IFT56: variants seen among roughly 807,000 people sequenced by gnomAD.
IFT56 encodes the protein intraflagellar transport 56, also known as intraflagellar transport protein 56.
At chr7:139,148,353 C>T in the IFT56 span, 1 of 1,612,072 alleles carries the variant, frequency 6.2e-7, no homozygotes, top group East Asian at 2.2e-5. Context: ...ACCATTTTCG[C>T]CTTTACAATG....
the IFT56 span, among the ~76,000 whole-genome samples, chr7:139,160,731 C>T: frequency 5.3e-5 from 8 of 152,106 alleles, no homozygotes; most frequent in East Asian, 1.9e-4. Context: ...CCACTGCGCC[C>T]GGCCCAAGTC....
chr7:139,140,093 T>A, the IFT56 span: 1 of 821,638 alleles, frequency 1.2e-6, no homozygotes. Context: ...CTTTTTCTCT[T>A]GAGAAAAAAA....
chr7:139,136,656 CA>C, the IFT56 span, among the ~76,000 whole-genome samples: 2 of 151,738 alleles, frequency 1.3e-5, no homozygotes, highest in Non-Finnish European at 2.9e-5. Context: ...TGTGTGGAGA[CA>C]GGGGTCTCAC....
the IFT56 span, among the ~76,000 whole-genome samples, chr7:139,177,238 G>GTATA: frequency 6.7e-6 from 1 of 149,802 alleles, no homozygotes; most frequent in Non-Finnish European, 1.5e-5. Flanking sequence ...GTGTGTGTGT[G>GTATA]TATATATATA....
At chr7:139,177,092 A>G in the IFT56 span, among the ~76,000 whole-genome samples, 1 of 151,874 alleles carries the variant, frequency 6.6e-6, no homozygotes, top group African/African-American at 2.4e-5. Context: ...GAATCACTTG[A>G]ACCCGGGAGA....
At chr7:139,178,711 C>A in the IFT56 span, 1 of 928,498 alleles carries the variant, frequency 1.1e-6, no homozygotes, top group South Asian at 1.5e-5. Context: ...TTCCTCTGTT[C>A]TTAGGATGCA....
the IFT56 span, among the ~76,000 whole-genome samples, chr7:139,158,159 C>T: frequency 1.3e-5 from 2 of 151,740 alleles, no homozygotes; most frequent in Non-Finnish European, 2.9e-5. Context: ...ACTAAAAATA[C>T]AAAAATTAGC....
chr7:139,142,243 ATT>A, the IFT56 span: 10 of 1,599,488 alleles, frequency 6.3e-6, no homozygotes, highest in Non-Finnish European at 8.6e-6. Flanking sequence ...AGCAGCTTGG[ATT>A]TTTTTTTCAG....
At chr7:139,135,836 A>C in the IFT56 span, among the ~76,000 whole-genome samples, 1 of 152,108 alleles carries the variant, frequency 6.6e-6, no homozygotes, top group African/African-American at 2.4e-5. Flanking sequence ...CTCTGTCCAT[A>C]TTACTCTGAA....
the IFT56 span, among the ~76,000 whole-genome samples, chr7:139,158,787 A>G: frequency 0.25 from 37,609 of 151,734 alleles, 8,421 homozygotes; most frequent in African/African-American, 0.57. Flanking sequence ...GGTGGCGTGT[A>G]GTTGTGGTCC....
the IFT56 span, chr7:139,142,436 A>C: frequency 1.0e-5 from 8 of 771,694 alleles, no homozygotes; most frequent in Non-Finnish European, 1.7e-5. Context: ...CAAGTGGAAT[A>C]TAACTGTTAA....
chr7:139,155,524 T>C, the IFT56 span, among the ~76,000 whole-genome samples: 2 of 152,160 alleles, frequency 1.3e-5, no homozygotes, highest in South Asian at 4.1e-4. Flanking sequence ...CTGCTTTTTC[T>C]ATTAGCTATG....
chr7:139,134,521 G>A, the IFT56 span: 2 of 923,396 alleles, frequency 2.2e-6, no homozygotes, highest in Non-Finnish European at 3.0e-6. Context: ...CGCCGCCTTC[G>A]CCTCTCAAAG....
At chr7:139,140,706 C>T in the IFT56 span, among the ~76,000 whole-genome samples, 458 of 129,468 alleles carry the variant, frequency 3.5e-3, 1 homozygote, top group Middle Eastern at 6.2e-3. Context: ...ACCCGGGAGG[C>T]GGAGGTTGCA....
At chr7:139,138,864 G>T in the IFT56 span, among the ~76,000 whole-genome samples, 2 of 143,750 alleles carry the variant, frequency 1.4e-5, no homozygotes, top group South Asian at 2.2e-4. Flanking sequence ...AGGCTGGAAT[G>T]CAGTGGCACG....
At chr7:139,191,312 T>C in the IFT56 span, 1 of 152,356 alleles carries the variant, frequency 6.6e-6, no homozygotes, top group African/African-American at 2.4e-5. Context: ...TCTTAGGAAC[T>C]AGATGGGTCC....
the IFT56 span, among the ~76,000 whole-genome samples, chr7:139,142,831 CA>C: frequency 6.7e-6 from 1 of 149,830 alleles, no homozygotes; most frequent in South Asian, 2.1e-4. Flanking sequence ...GACTGTGTCT[CA>C]AAAAAAAAGA....
the IFT56 span, chr7:139,173,069 T>C: frequency 1.4e-6 from 1 of 730,880 alleles, no homozygotes; most frequent in Non-Finnish European, 2.6e-6. Context: ...GCTTTGCGCC[T>C]TTTGTGGGTG....
the IFT56 span, among the ~76,000 whole-genome samples, chr7:139,161,568 C>G: frequency 4.6e-5 from 7 of 152,216 alleles, no homozygotes. Context: ...ATTCAGATAC[C>G]TGGGAGCACT....
Sources: allele counts gnomAD v4.1 joint callset (sites outside exome capture counted in the v4.1 genomes callset), GRCh38; gene constraint gnomAD v4.1.1; transcripts MANE v1.5; gene names NCBI Gene and HGNC (gene_info 2026-07-23, HGNC 2026-07-21).